The following FSTL5 variants were observed in gnomAD, a reference collection of about 807,000 sequenced individuals.
FSTL5 encodes follistatin like 5.
A neutral mutation model predicts 89.1 loss-of-function variants in FSTL5; 62 were observed. The ratio of observed to expected loss-of-function variants is 0.70; its 90% CI spans 0.57 to 0.86. The LOEUF is 0.86. FSTL5 is among the 40% of genes least tolerant of loss of function. FSTL5 has a pLI of 0.00. For missense variants in FSTL5, 1,057 were observed against 1,001.6 expected (o/e 1.06, Z -0.75); for synonymous variants, 383 against 346.2 (o/e 1.11, Z -1.18).
chr4:161,937,071 T>C (rs1368221941), intron 3 of FSTL5, among the ~76,000 whole-genome samples: 2 of 151,914 alleles, frequency 1.3e-5, no homozygotes. Flanking sequence ...CCCTCTAACA[T>C]GAAAGATAAG....
At chr4:161,959,224 A>G (rs1735106055) in intron 3 of FSTL5, among the ~76,000 whole-genome samples, 1 of 152,180 alleles carries the variant, frequency 6.6e-6, no homozygotes, top group Non-Finnish European at 1.5e-5. Flanking sequence ...ATTACATAAA[A>G]GGTGACAAGA....
intron 5 of FSTL5, among the ~76,000 whole-genome samples, chr4:161,767,960 A>G (rs910211052): frequency 7.0e-6 from 1 of 143,726 alleles, no homozygotes; most frequent in Non-Finnish European, 1.5e-5. Context: ...ATTAACGCAC[A>G]TATGCGAGAG....
intron 15 of FSTL5, among the ~76,000 whole-genome samples, chr4:161,414,332 T>A (rs996895715): frequency 1.3e-5 from 2 of 152,134 alleles, no homozygotes; most frequent in African/African-American, 4.8e-5. Context: ...AATTAACAGA[T>A]TGAAAAACCA....
chr4:161,821,450 T>A (rs1298092954), intron 4 of FSTL5, among the ~76,000 whole-genome samples: 3 of 152,052 alleles, frequency 2.0e-5, no homozygotes, highest in African/African-American at 7.3e-5. Context: ...TTTCCATAGG[T>A]TTTTGCGGGA....
At chr4:162,049,671 G>A (rs1738317876) in intron 2 of FSTL5, among the ~76,000 whole-genome samples, 1 of 151,962 alleles carries the variant, frequency 6.6e-6, no homozygotes. Flanking sequence ...TAAAAAGGAA[G>A]AATAGCTAAT....
At chr4:161,603,072 A>G (rs1219778021) in intron 7 of FSTL5, among the ~76,000 whole-genome samples, 2 of 152,138 alleles carry the variant, frequency 1.3e-5, no homozygotes, top group Non-Finnish European at 2.9e-5. Context: ...CAACAACAGG[A>G]AAAAAGATGA....
chr4:161,546,329 G>C (rs1052178038), intron 8 of FSTL5, among the ~76,000 whole-genome samples: 1 of 149,098 alleles, frequency 6.7e-6, no homozygotes, highest in Non-Finnish European at 1.5e-5. Flanking sequence ...AAACTGAAGA[G>C]AGCGATATTT....
chr4:161,790,978 G>A (rs922305202), intron 4 of FSTL5, among the ~76,000 whole-genome samples: 2 of 99,356 alleles, frequency 2.0e-5, no homozygotes, highest in South Asian at 4.5e-4. Context: ...TCCCTAGCAC[G>A]AGTCCATCTT....
intron 5 of FSTL5, among the ~76,000 whole-genome samples, chr4:161,772,652 C>T (rs1211777955): frequency 6.6e-6 from 1 of 152,052 alleles, no homozygotes; most frequent in Non-Finnish European, 1.5e-5. Flanking sequence ...GGTGAAAGAC[C>T]TCTACAAGGA....
intron 4 of FSTL5, among the ~76,000 whole-genome samples, chr4:161,839,447 G>C (rs756908735): frequency 7.7e-4 from 117 of 152,050 alleles, no homozygotes; most frequent in Admixed American, 2.8e-3. Flanking sequence ...ACCCAAATGT[G>C]TGAATGAATA....
chr4:162,043,097 A>T (rs532504975), intron 2 of FSTL5: 6 of 152,064 alleles, frequency 3.9e-5, no homozygotes, highest in South Asian at 4.2e-4. Context: ...AAAGTATAAT[A>T]AAAAAAACAA....
At chr4:161,730,530 A>C (rs558427204) in intron 6 of FSTL5, among the ~76,000 whole-genome samples, 2 of 152,256 alleles carry the variant, frequency 1.3e-5, no homozygotes, top group African/African-American at 2.4e-5. Flanking sequence ...GAACACATCA[A>C]GATTTTCCTG....
chr4:161,880,393 T>C (rs1232194808), intron 4 of FSTL5, among the ~76,000 whole-genome samples: 1 of 152,094 alleles, frequency 6.6e-6, no homozygotes, highest in Non-Finnish European at 1.5e-5. Context: ...TCTGTCTACA[T>C]AATATTTGTC....
chr4:161,876,631 G>A (rs901606221), intron 4 of FSTL5, among the ~76,000 whole-genome samples: 1 of 152,040 alleles, frequency 6.6e-6, no homozygotes, highest in African/African-American at 2.4e-5. Flanking sequence ...TGCCAGATAC[G>A]TGGGAAGCTG....
intron 15 of FSTL5, among the ~76,000 whole-genome samples, chr4:161,436,234 C>T: frequency 6.6e-6 from 1 of 152,130 alleles, no homozygotes; most frequent in Non-Finnish European, 1.5e-5. Flanking sequence ...TAAAAGCACC[C>T]AACTACTCAT....
At chr4:161,837,734 T>C (rs1246187113) in intron 4 of FSTL5, among the ~76,000 whole-genome samples, 2 of 152,150 alleles carry the variant, frequency 1.3e-5, no homozygotes, top group Admixed American at 1.3e-4. Context: ...CAAAATGCTT[T>C]ATAAAGGTTA....
intron 7 of FSTL5, among the ~76,000 whole-genome samples, chr4:161,641,027 T>G (rs1401324413): frequency 2.0e-5 from 3 of 152,208 alleles, no homozygotes; most frequent in Non-Finnish European, 4.4e-5. Flanking sequence ...AGAAATAAGC[T>G]GCCAACCAGT....
intron 1 of FSTL5, among the ~76,000 whole-genome samples, chr4:162,124,656 T>G (rs1372296264): frequency 6.6e-6 from 1 of 152,156 alleles, no homozygotes; most frequent in Non-Finnish European, 1.5e-5. Context: ...GGCTGGAGAC[T>G]CTATCAAAAC....
At chr4:162,092,922 T>C (rs1181010448) in intron 2 of FSTL5, among the ~76,000 whole-genome samples, 1 of 122,574 alleles carries the variant, frequency 8.2e-6, no homozygotes, top group African/African-American at 3.2e-5. Context: ...GCACTCAGCC[T>C]GGGTGACAGA....
Sources: allele counts gnomAD v4.1 joint callset (sites outside exome capture counted in the v4.1 genomes callset), GRCh38; gene constraint gnomAD v4.1.1; transcripts MANE v1.5; gene names NCBI Gene and HGNC (gene_info 2026-07-23, HGNC 2026-07-21).